Variants in DPP6 observed in about 807,000 individuals in gnomAD.
DPP6 encodes the protein A-type potassium channel modulatory protein DPP6.
A neutral mutation model predicts 122.6 loss-of-function variants in DPP6; 69 were observed. That is an observed-to-expected ratio of 0.56 (90% confidence interval 0.46 to 0.69). The LOEUF is 0.69. DPP6 is among the 30% of genes least tolerant of loss of function. The pLI is 0.00. For synonymous variants in DPP6, 418 were observed against 433.1 expected (o/e 0.97, Z 0.43); for missense variants, 928 against 1,116.9 (o/e 0.83, Z 2.41).
chr7:153,930,640 T>G (rs1002098168), intron 1 of DPP6, among the ~76,000 whole-genome samples: 1 of 152,164 alleles, frequency 6.6e-6, no homozygotes, highest in African/African-American at 2.4e-5. Flanking sequence ...GACTTTGTGT[T>G]CTTACCGAAA....
At chr7:154,352,124 G>A (rs539096981) in intron 1 of DPP6, among the ~76,000 whole-genome samples, 1 of 152,224 alleles carries the variant, frequency 6.6e-6, no homozygotes, top group East Asian at 1.9e-4. Flanking sequence ...GAGCTCAAGT[G>A]GAGGGGAAGC....
chr7:153,951,103 G>A (rs1345763729), intron 1 of DPP6, among the ~76,000 whole-genome samples: 10 of 110,970 alleles, frequency 9.0e-5, no homozygotes, highest in African/African-American at 2.4e-4. Context: ...TAAAAAAACC[G>A]GAGGTCAAAG....
intron 7 of DPP6, among the ~76,000 whole-genome samples, chr7:154,690,143 G>A (rs1839853559): frequency 6.6e-6 from 1 of 152,094 alleles, no homozygotes; most frequent in African/African-American, 2.4e-5. Flanking sequence ...TCCACAATAT[G>A]GGATATACAT....
chr7:153,886,556 G>A (rs1281389515), upstream of DPP6, among the ~76,000 whole-genome samples: 3 of 152,162 alleles, frequency 2.0e-5, no homozygotes, highest in African/African-American at 7.2e-5. Context: ...GCGGAGGCCC[G>A]GAGGGAAGTG....
In DPP6 at chr7:154,662,371, G is replaced by A. The variant is rs139498584; in HGVS notation, c.681-6989G>A. On this transcript the variant is annotated intron_variant, in intron 6 of 25. Coordinates refer to ENST00000377770, the MANE Select transcript of DPP6 (RefSeq NM_130797.4). The stretch of plus-strand genomic sequence containing the variant: ...TCACGCAGTCATGGTGAATCACCAT[G>A]GCGTATTGGCCCTAGTGTTCATATA... Among the ~76,000 whole-genome samples, 162 of 151,568 alleles carry A rather than the reference G, an allele frequency of 1.1e-3. 3 individuals are homozygous for A. Among genetic ancestry groups the A allele is most frequent in the African/African-American group, 3.6e-3 (147 of 41,360 alleles).
At chr7:154,132,685 C>G (rs540478689) in intron 1 of DPP6, among the ~76,000 whole-genome samples, 1 of 152,196 alleles carries the variant, frequency 6.6e-6, no homozygotes, top group Admixed American at 6.5e-5. Context: ...TGGGTTTCCA[C>G]TGCCTAAAGG....
chr7:154,136,339 A>G (rs1248760651), intron 1 of DPP6, among the ~76,000 whole-genome samples: 8 of 152,168 alleles, frequency 5.3e-5, no homozygotes. Context: ...TGGTGTTCCC[A>G]AATGTTCCCT....
chr7:154,293,292 A>C (rs141198033), intron 1 of DPP6, among the ~76,000 whole-genome samples: 63 of 152,288 alleles, frequency 4.1e-4, no homozygotes, highest in African/African-American at 1.5e-3. Flanking sequence ...CCTTCACTTT[A>C]GTGGTCATCT....
the DPP6 span, among the ~76,000 whole-genome samples, chr7:153,826,786 T>C: frequency 6.6e-6 from 1 of 152,194 alleles, no homozygotes; most frequent in African/African-American, 2.4e-5. Flanking sequence ...ACATTAATGA[T>C]AGCCATGAAA....
chr7:153,873,530 A>G, the DPP6 span, among the ~76,000 whole-genome samples: 1 of 152,266 alleles, frequency 6.6e-6, no homozygotes, highest in Non-Finnish European at 1.5e-5. Flanking sequence ...ATAAATAAAC[A>G]TAACTTTGCA....
At chr7:154,521,958 C>T (rs1019136684) in intron 3 of DPP6, among the ~76,000 whole-genome samples, 2 of 150,744 alleles carry the variant, frequency 1.3e-5, no homozygotes, top group Non-Finnish European at 3.0e-5. Context: ...ATTACGTGGT[C>T]TTTCTAACTC....
intron 5 of DPP6, among the ~76,000 whole-genome samples, chr7:154,591,589 G>A (rs1446562138): frequency 6.6e-6 from 1 of 152,186 alleles, no homozygotes; most frequent in African/African-American, 2.4e-5. Context: ...AGGAACAGGG[G>A]GCGTGCAGTT....
At position 154,077,467 on chromosome 7, in the gene DPP6, G is replaced by A. The variant is rs571317889; in HGVS notation, c.243+24404G>A. 2.6e-5 allele frequency among the ~76,000 whole-genome samples: 4 copies of A among 152,118 alleles called. No homozygotes were observed. In the East Asian group the frequency reaches 7.8e-4, roughly 30 times the overall value. Reference sequence around the variant, plus strand: ...TTCCAACGAGTCTGTTGAAAACTGGGATGTGGGGCACCTACACTTCTCACC... The same window carrying A: ...TTCCAACGAGTCTGTTGAAAACTGGAATGTGGGGCACCTACACTTCTCACC... On this transcript the variant is annotated intron_variant, in intron 1 of 25. Coordinates refer to ENST00000377770, the MANE Select transcript of DPP6 (RefSeq NM_130797.4).
intron 1 of DPP6, among the ~76,000 whole-genome samples, chr7:154,105,107 A>T (rs1047663413): frequency 2.0e-5 from 3 of 152,242 alleles, no homozygotes; most frequent in Admixed American, 6.5e-5. Flanking sequence ...AGCCTGGGTG[A>T]TAGAGTGAGA....
intron 8 of DPP6, among the ~76,000 whole-genome samples, chr7:154,769,091 C>G (rs1796078571): frequency 6.6e-6 from 1 of 152,096 alleles, no homozygotes; most frequent in South Asian, 2.1e-4. Flanking sequence ...AATCATAGTT[C>G]AACTCAAAAG....
rs551875382 is a variant in DPP6 at position 154,637,668 on chromosome 7, A to G, written c.628-153A>G. 5.3e-5 allele frequency among the ~76,000 whole-genome samples: 8 copies of G among 152,356 alleles called. 1 individual carries two copies. The South Asian group carries it at 1.4e-3, about 28-fold the overall frequency. ...TAAAATAAACAGGATATGCAAATTG[A>G]CTTCCTAAGTAAATAAAAGACTTTG... On this transcript the variant is annotated intron_variant, in intron 5 of 25. Transcript: ENST00000377770.
chr7:153,756,081 A>G, the DPP6 span, among the ~76,000 whole-genome samples: 3 of 152,062 alleles, frequency 2.0e-5, no homozygotes, highest in Admixed American at 1.3e-4. Context: ...TTTTTTTTTA[A>G]TAACTCATGG....
At chr7:154,880,096 G>T (rs985225735) in intron 20 of DPP6, among the ~76,000 whole-genome samples, 1 of 152,350 alleles carries the variant, frequency 6.6e-6, no homozygotes, top group African/African-American at 2.4e-5. Flanking sequence ...GGCTTGGCTT[G>T]AGGTAAAATC....
intron 1 of DPP6, among the ~76,000 whole-genome samples, chr7:153,981,641 T>C (rs1031278613): frequency 6.6e-6 from 1 of 152,194 alleles, no homozygotes; most frequent in Admixed American, 6.5e-5. Context: ...ATAGTGTCGA[T>C]GGTCTTTACA....
Sources: allele counts gnomAD v4.1 joint callset (sites outside exome capture counted in the v4.1 genomes callset), GRCh38; gene constraint gnomAD v4.1.1; transcripts MANE v1.5; gene names NCBI Gene and HGNC (gene_info 2026-07-23, HGNC 2026-07-21).